SKAP2: variants seen among roughly 807,000 people sequenced by gnomAD.
SKAP2 encodes the protein src kinase-associated phosphoprotein 2.
Under a neutral mutation model 54.9 loss-of-function variants are expected in SKAP2, and 28 were observed. The observed-to-expected ratio is 0.51, with a 90% CI of 0.38 to 0.70. SKAP2 has a LOEUF of 0.70. Ranked by LOEUF, SKAP2 falls within the 30% of genes least tolerant of loss-of-function variation. The pLI, the probability that SKAP2 is intolerant of heterozygous loss-of-function variation, is 0.00. For synonymous variants in SKAP2, 137 were observed against 134.3 expected (o/e 1.02, Z -0.14); for missense variants, 356 against 424.1 (o/e 0.84, Z 1.41).
intron 11 of SKAP2, among the ~76,000 whole-genome samples, chr7:26,680,991 C>T (rs114732241): frequency 0.016 from 2,407 of 152,214 alleles, 61 homozygotes; most frequent in African/African-American, 0.055. Flanking sequence ...AAATAAATCA[C>T]CCCCAGGTTG....
chr7:26,701,472 C>T (rs1787020430), intron 9 of SKAP2, among the ~76,000 whole-genome samples: 2 of 152,184 alleles, frequency 1.3e-5, no homozygotes, highest in African/African-American at 2.4e-5. Flanking sequence ...GTGGCTCACA[C>T]CTGTAATCCC....
At chr7:26,723,582 A>G (rs777662518) in intron 9 of SKAP2, among the ~76,000 whole-genome samples, 2 of 152,188 alleles carry the variant, frequency 1.3e-5, no homozygotes, top group Admixed American at 6.5e-5. Flanking sequence ...ATGAAGAATA[A>G]TATCTCCAGT....
At chr7:26,854,643 T>C in intron 2 of SKAP2, 142 bp downstream of exon 2, 1 of 727,684 alleles carries the variant, frequency 1.4e-6, no homozygotes, top group Non-Finnish European at 2.2e-6. Context: ...GGAAATATAT[T>C]TTTTGCCCTT....
chr7:26,817,484 T>C (rs1784292310), intron 4 of SKAP2, among the ~76,000 whole-genome samples: 2 of 152,154 alleles, frequency 1.3e-5, no homozygotes. Context: ...AAATATCATG[T>C]ATATAAAGAA....
chr7:26,689,548 T>C (rs1483652904), intron 10 of SKAP2, among the ~76,000 whole-genome samples: 1 of 152,178 alleles, frequency 6.6e-6, no homozygotes, highest in Non-Finnish European at 1.5e-5. Flanking sequence ...CAAGTGGAAA[T>C]GGATAAGGGG....
At chr7:26,698,581 C>T (rs1057425749) in intron 9 of SKAP2, among the ~76,000 whole-genome samples, 13 of 152,170 alleles carry the variant, frequency 8.5e-5, no homozygotes, top group South Asian at 4.1e-4. Context: ...ACCTTGAGTA[C>T]GTAACTTTAA....
chr7:26,677,259 G>A (rs1208030173), intron 11 of SKAP2, among the ~76,000 whole-genome samples: 1 of 152,094 alleles, frequency 6.6e-6, no homozygotes, highest in Non-Finnish European at 1.5e-5. Flanking sequence ...GGGCATGGTG[G>A]CAGGAGCCTG....
At chr7:26,724,203 T>G (rs1787646070) in intron 9 of SKAP2, among the ~76,000 whole-genome samples, 1 of 152,178 alleles carries the variant, frequency 6.6e-6, no homozygotes, top group Non-Finnish European at 1.5e-5. Context: ...TTTTACTTGG[T>G]TAGAAAACCA....
chr7:26,681,380 G>T (rs1786492457), intron 11 of SKAP2, among the ~76,000 whole-genome samples: 1 of 152,214 alleles, frequency 6.6e-6, no homozygotes, highest in African/African-American at 2.4e-5. Flanking sequence ...GGAGGCAGCG[G>T]TTGCGGTGAG....
At chr7:26,803,830 A>G (rs188012113) in intron 4 of SKAP2, among the ~76,000 whole-genome samples, 1 of 152,350 alleles carries the variant, frequency 6.6e-6, no homozygotes, top group Non-Finnish European at 1.5e-5. Flanking sequence ...ACATGGATGG[A>G]ACTGGAAATC....
chr7:26,718,156 A>G (rs951448059), intron 9 of SKAP2, among the ~76,000 whole-genome samples: 6 of 152,148 alleles, frequency 3.9e-5, no homozygotes, highest in African/African-American at 9.6e-5. Context: ...ACACTTAGGC[A>G]CAGTGCCTGG....
intron 6 of SKAP2, among the ~76,000 whole-genome samples, chr7:26,731,166 G>C (rs983258105): frequency 1.3e-5 from 2 of 152,110 alleles, no homozygotes; most frequent in African/African-American, 4.8e-5. Flanking sequence ...ACCTATGTTA[G>C]AATCAACTTG....
chr7:26,684,191 G>T (rs1017876816), intron 11 of SKAP2, among the ~76,000 whole-genome samples: 1 of 152,002 alleles, frequency 6.6e-6, no homozygotes, highest in Non-Finnish European at 1.5e-5. Context: ...TGGGTTTATA[G>T]AATTATACTT....
At chr7:26,793,816 G>A (rs1461603633) in intron 4 of SKAP2, among the ~76,000 whole-genome samples, 1 of 152,166 alleles carries the variant, frequency 6.6e-6, no homozygotes, top group Non-Finnish European at 1.5e-5. Context: ...AATATAGAGC[G>A]ATTACAAATG....
chr7:26,853,021 A>G (rs1429347849), intron 3 of SKAP2, among the ~76,000 whole-genome samples: 1 of 152,196 alleles, frequency 6.6e-6, no homozygotes, highest in Non-Finnish European at 1.5e-5. Context: ...GGGTACTTAC[A>G]GGGAATAGTT....
chr7:26,658,225 G>C, the SKAP2 span, among the ~76,000 whole-genome samples: 3 of 152,180 alleles, frequency 2.0e-5, no homozygotes, highest in East Asian at 1.9e-4. Flanking sequence ...GTACTTTGGA[G>C]ACCAATTTGT....
At chr7:26,774,523 A>G (rs952731819) in intron 4 of SKAP2, among the ~76,000 whole-genome samples, 3 of 150,440 alleles carry the variant, frequency 2.0e-5, no homozygotes, top group African/African-American at 4.9e-5. Flanking sequence ...GTGTGTATGT[A>G]TATATATATA....
At chr7:26,853,985 G>A in intron 3 of SKAP2, 152 bp downstream of exon 3, 1 of 549,216 alleles carries the variant, frequency 1.8e-6, no homozygotes, top group Non-Finnish European at 3.3e-6. Context: ...TCAGCAGGGG[G>A]AGCTAGCACT....
chr7:26,723,560 G>A (rs1420275646), intron 9 of SKAP2, among the ~76,000 whole-genome samples: 1 of 151,850 alleles, frequency 6.6e-6, no homozygotes, highest in African/African-American at 2.4e-5. Context: ...GTGAGGAGGG[G>A]GGCAAGGAAG....
Sources: gnomAD v4.1 joint callset for allele counts (sites outside exome capture counted in the v4.1 genomes callset) on GRCh38, gnomAD v4.1.1 for gene constraint, MANE v1.5 for transcripts, NCBI Gene and HGNC (gene_info 2026-07-23, HGNC 2026-07-21) for gene names.